The following RASGRF2 variants were observed in gnomAD, a reference collection of about 807,000 sequenced individuals.
The protein encoded by RASGRF2 is Ras protein specific guanine nucleotide releasing factor 2, also known as ras-specific guanine nucleotide-releasing factor 2.
Under a neutral mutation model 151.0 loss-of-function variants are expected in RASGRF2, and 76 were observed. The ratio of observed to expected loss-of-function variants is 0.50; its 90% CI spans 0.42 to 0.61. The LOEUF is 0.61. Among genes scored for constraint, RASGRF2 ranks in the 20% least tolerant of loss-of-function variants. The pLI is 0.00. For synonymous variants in RASGRF2, 504 were observed against 566.5 expected, an observed-to-expected ratio of 0.89 and a Z score of 1.57; for missense variants, 1,148 against 1,564.6, an observed-to-expected ratio of 0.73 and a Z score of 4.49.
chr5:81,030,654 T>A (rs1048516327), intron 1 of RASGRF2, among the ~76,000 whole-genome samples: 1 of 151,994 alleles, frequency 6.6e-6, no homozygotes, highest in African/African-American at 2.4e-5. Context: ...AAGGAAGCAC[T>A]AAACATGGAA....
chr5:81,117,083 C>A (rs1274738722), intron 15 of RASGRF2, among the ~76,000 whole-genome samples: 2 of 152,190 alleles, frequency 1.3e-5, no homozygotes, highest in Non-Finnish European at 2.9e-5. Context: ...CTTCGATCAC[C>A]AACTTCCCTA....
intron 12 of RASGRF2, among the ~76,000 whole-genome samples, chr5:81,106,282 T>C (rs1275760234): frequency 1.3e-5 from 2 of 152,214 alleles, no homozygotes; most frequent in African/African-American, 4.8e-5. Flanking sequence ...AATATGTATG[T>C]CCACCCTTTC....
chr5:81,078,810 G>T (rs1375942649), intron 5 of RASGRF2, among the ~76,000 whole-genome samples: 1 of 152,220 alleles, frequency 6.6e-6, no homozygotes, highest in Non-Finnish European at 1.5e-5. Flanking sequence ...CTCGCTGAGT[G>T]GAGGGAATTC....
intron 1 of RASGRF2, among the ~76,000 whole-genome samples, chr5:80,993,632 C>T (rs953375166): frequency 6.6e-6 from 1 of 152,160 alleles, no homozygotes; most frequent in African/African-American, 2.4e-5. Flanking sequence ...CCAATAAGGC[C>T]TAGTGCAGTG....
intron 1 of RASGRF2, among the ~76,000 whole-genome samples, chr5:80,990,252 TG>T (rs926216627): frequency 6.6e-6 from 1 of 151,884 alleles, no homozygotes; most frequent in Non-Finnish European, 1.5e-5. Flanking sequence ...TTCTGCTCAC[TG>T]GAGCATCATT....
At chr5:81,195,514 C>T (rs1480244855) in intron 18 of RASGRF2, among the ~76,000 whole-genome samples, 1 of 151,210 alleles carries the variant, frequency 6.6e-6, no homozygotes, top group African/African-American at 2.4e-5. Flanking sequence ...TAAAATCATT[C>T]TAGGTAGTAC....
chr5:81,086,280 AG>A (rs1752227039), intron 8 of RASGRF2, among the ~76,000 whole-genome samples: 1 of 152,042 alleles, frequency 6.6e-6, no homozygotes, highest in Non-Finnish European at 1.5e-5. Flanking sequence ...CGAGGGTGCA[AG>A]GGGTGATGAT....
chr5:81,167,552 G>T (rs1010852099), intron 17 of RASGRF2, among the ~76,000 whole-genome samples: 1 of 152,204 alleles, frequency 6.6e-6, no homozygotes, highest in Non-Finnish European at 1.5e-5. Flanking sequence ...ACATCAGTGT[G>T]CACTCAGTGA....
intron 2 of RASGRF2, among the ~76,000 whole-genome samples, chr5:81,060,309 G>T (rs1751388337): frequency 1.3e-5 from 2 of 152,152 alleles, no homozygotes; most frequent in South Asian, 4.2e-4. Flanking sequence ...CACTCCCACT[G>T]CAGGGCTTTT....
chr5:81,135,085 T>C (rs908151727), intron 17 of RASGRF2, among the ~76,000 whole-genome samples: 1 of 151,896 alleles, frequency 6.6e-6, no homozygotes, highest in Non-Finnish European at 1.5e-5. Context: ...GGTGGGAGGA[T>C]TGCTTGAGCC....
rs1755528798 is a variant in RASGRF2, at chr5:81,207,272, T to A, written c.2994T>A (p.Phe998Leu). ...QMTDCMKAEC[F>L]ESLSAMELAE... ...CTGACTGCATGAAGGCCGAATGCTT[T>A]GAGTCCTTGTCGGCCATGGAGCTGG... is the stretch of plus-strand genomic sequence containing the variant. The change falls in exon 21 of 27, where the codon TTT becomes TTA. Residue 998 changes from phenylalanine to leucine, a missense_variant. Physicochemically the swap from Phe to Leu is conservative, Grantham distance 22. Coordinates refer to ENST00000265080, the MANE Select transcript of RASGRF2 (RefSeq NM_006909.3). The A allele has an allele frequency of 1.9e-6, 3 of 1,614,094 alleles. No individual in the cohort carries two copies.
Position 80,990,019 on chromosome 5 carries a change from A to G in RASGRF2, c.288+28993A>G, listed in dbSNP as rs1416726879. Among the ~76,000 whole-genome samples the G allele has an allele frequency of 1.3e-5, 2 of 151,984 alleles. 1 individual carries two copies. Among genetic ancestry groups the G allele is most frequent in the African/African-American group, 4.8e-5 (2 of 41,356 alleles). ...TGTGTTCCCCTTCTCCCCACCACCT[A>G]CCTTAGAGGCTGCCAAGGTGGAGAG... On this transcript the variant is annotated intron_variant, in intron 1 of 26. Coordinates refer to ENST00000265080, the MANE Select transcript of RASGRF2 (RefSeq NM_006909.3).
chr5:80,990,730 T>C (rs1162900844), intron 1 of RASGRF2, among the ~76,000 whole-genome samples: 1 of 152,194 alleles, frequency 6.6e-6, no homozygotes, highest in Non-Finnish European at 1.5e-5. Context: ...TTTCACATTC[T>C]TGTGGTTTCT....
intron 1 of RASGRF2, among the ~76,000 whole-genome samples, chr5:80,980,300 T>C (rs1561536410): frequency 6.6e-6 from 1 of 152,106 alleles, no homozygotes; most frequent in Non-Finnish European, 1.5e-5. Flanking sequence ...TGGCTTTCCA[T>C]GTGGCTTTTG....
rs1045993511 is a variant in RASGRF2, at chr5:80,960,810, C to G, written c.72C>G (p.Thr24=). The change falls in exon 1 of 27, where the codon ACC becomes ACG. Residue 24 remains threonine (T), a synonymous_variant. Coordinates refer to ENST00000265080, the MANE Select transcript of RASGRF2 (RefSeq NM_006909.3). This position sits in a 1 kb window ranked among gnomAD's most constrained non-coding sequence, Gnocchi z 5.5. ...YLAFLARKEG[T]KRGFLSKKTA... The stretch of plus-strand genomic sequence containing the variant: ...CCTTTCTGGCGCGCAAGGAGGGCAC[C>G]AAGCGCGGCTTCCTGAGTAAGAAGA... The G allele has an allele frequency of 3.1e-6, 5 of 1,613,526 alleles. No individual in the cohort carries two copies. The highest frequency in any genetic ancestry group is 4.2e-6 in the Non-Finnish European group (5 of 1,179,712).
At chr5:81,142,294 A>G (rs1312405198) in intron 17 of RASGRF2, among the ~76,000 whole-genome samples, 1 of 152,120 alleles carries the variant, frequency 6.6e-6, no homozygotes, top group East Asian at 1.9e-4. Flanking sequence ...CAGAAGAGAG[A>G]TGTTATTGAT....
In RASGRF2 at chr5:80,960,638, C is replaced by A; in HGVS notation, c.-101C>A. The A allele has an allele frequency of 8.9e-7, 1 of 1,128,926 alleles. No homozygotes were observed. Among genetic ancestry groups the A allele is most frequent in the Admixed American group, 4.1e-5 (1 of 24,438 alleles). The allele number at this position is 1,128,926 out of a possible 1,614,324, so 69.9% of individuals were successfully genotyped here. A position where few individuals can be genotyped will look rare whatever the true frequency, so the allele number is the denominator to read the frequency against. On this transcript the variant is annotated 5_prime_UTR_variant, in exon 1 of 27. Coordinates refer to ENST00000265080, the MANE Select transcript of RASGRF2 (RefSeq NM_006909.3). This position sits in a 1 kb window ranked among gnomAD's most constrained non-coding sequence, Gnocchi z 5.5. ...GGGGAAAGGGGGCGCCCTTCGCCGG[C>A]CGGGACCTGAGCGGTCGCGCCCTCG... is the stretch of plus-strand genomic sequence containing the variant.
Position 81,207,322 on chromosome 5 carries a change from A to G in RASGRF2, c.3044A>G (p.His1015Arg). 1.2e-6 allele frequency: 2 copies of G among 1,614,070 alleles called. No homozygotes were observed. Among genetic ancestry groups the G allele is most frequent in the South Asian group, 1.1e-5 (1 of 91,078 alleles). Residue 1015 changes from histidine to arginine, a missense_variant, in exon 21 of 27, where the codon CAT becomes CGT. By Grantham distance (29) the His-to-Arg change is conservative. Coordinates refer to ENST00000265080, the MANE Select transcript of RASGRF2 (RefSeq NM_006909.3). ...ELAEQITLLDHVIFRSIPYEE... is the reference protein window; with the variant it reads ...ELAEQITLLDRVIFRSIPYEE... The stretch of plus-strand genomic sequence containing the variant: ...GCAGAACAGATCACCCTCCTGGACC[A>G]TGTCATTTTCAGAAGCATTCCCTAC...
At chr5:81,206,574 CACTGTG>C (rs1329425772) in intron 19 of RASGRF2, among the ~76,000 whole-genome samples, 1 of 152,224 alleles carries the variant, frequency 6.6e-6, no homozygotes, top group Non-Finnish European at 1.5e-5. Context: ...CCCTCAGACT[CACTGTG>C]ACGGTGGTTG....
Sources: gnomAD v4.1 joint callset for allele counts (sites outside exome capture counted in the v4.1 genomes callset) on GRCh38, gnomAD v4.1.1 for gene constraint, Gnocchi (gnomAD v3.1) non-coding constraint, MANE v1.5 for transcripts, NCBI Gene and HGNC (gene_info 2026-07-23, HGNC 2026-07-21) for gene names.